The following PARVB variants were observed in gnomAD, a reference collection of about 807,000 sequenced individuals.
The protein encoded by PARVB is parvin beta, also known as beta-parvin.
Under a neutral mutation model 47.0 loss-of-function variants are expected in PARVB, and 46 were observed. The ratio of observed to expected loss-of-function variants is 0.98; its 90% confidence interval spans 0.77 to 1.25. PARVB has a LOEUF of 1.25. Ranked by LOEUF, PARVB falls within the 50% of genes most tolerant of loss-of-function variation. The probability of loss-of-function intolerance (pLI) is 0.00; values close to 1 mark genes in which losing one functional copy is unlikely to be tolerated. For synonymous variants in PARVB, 196 were observed against 196.3 expected (o/e 1.00, Z 0.01); for missense variants, 473 against 471.6 (o/e 1.00, Z -0.03).
intron 8 of PARVB, chr22:44,146,394 C>T (rs895864239): frequency 2.6e-5 from 4 of 152,220 alleles, no homozygotes; most frequent in African/African-American, 9.7e-5. Flanking sequence ...CACACATGCT[C>T]ACACACGCAA....
intron 2 of PARVB, among the ~76,000 whole-genome samples, chr22:44,002,612 T>G (rs1441317512): frequency 6.6e-6 from 1 of 152,124 alleles, no homozygotes; most frequent in Non-Finnish European, 1.5e-5. Context: ...GTAGGAGGGA[T>G]GTCTTTCCTG....
At chr22:44,083,553 A>G (rs562289652) in intron 1 of PARVB, among the ~76,000 whole-genome samples, 3 of 152,274 alleles carry the variant, frequency 2.0e-5, no homozygotes, top group Non-Finnish European at 4.4e-5. Flanking sequence ...GGATGTGCAG[A>G]GTGTGCTTTC....
intron 10 of PARVB, 42 bp from the exon 11 acceptor site, chr22:44,157,940 C>T: frequency 6.8e-7 from 1 of 1,460,866 alleles, no homozygotes; most frequent in Non-Finnish European, 9.6e-7. Context: ...CATTTGCCAA[C>T]TCCTTACCCT....
intron 5 of PARVB, among the ~76,000 whole-genome samples, chr22:44,131,843 A>G (rs1353791489): frequency 6.6e-6 from 1 of 152,206 alleles, no homozygotes; most frequent in Non-Finnish European, 1.5e-5. Context: ...TGGTCAGGCC[A>G]CAATTCTCCA....
intron 1 of PARVB, among the ~76,000 whole-genome samples, chr22:44,042,865 G>A (rs1569071426): frequency 6.6e-6 from 1 of 152,126 alleles, no homozygotes; most frequent in African/African-American, 2.4e-5. Flanking sequence ...ATCTGCTGGA[G>A]AAAAAAGAAT....
At chr22:43,999,344 C>G in exon 1 of PARVB, 1 of 1,605,650 alleles carries the variant, frequency 6.2e-7, no homozygotes, top group Non-Finnish European at 8.5e-7. Context: ...TGCACAAATG[C>G]ACCATGTGTT....
rs766368195 is a variant in PARVB, at chr22:44,131,474, C to A, written c.377-13C>A. ...CTTTTTCTGACCCTCTTCTCTTGTG[C>A]TTCTCATTGCAGAAAAACTGGCAGG... is the stretch of plus-strand genomic sequence containing the variant. On this transcript the variant is annotated splice_polypyrimidine_tract_variant and intron_variant, in intron 4 of 12. Coordinates refer to ENST00000338758, the MANE Select transcript of PARVB (RefSeq NM_013327.5). 2 of 1,612,916 alleles carry A rather than the reference C, an allele frequency of 1.2e-6. No homozygotes were observed. Among genetic ancestry groups the A allele is most frequent in the Admixed American group, 3.3e-5 (2 of 59,874 alleles).
intron 1 of PARVB, among the ~76,000 whole-genome samples, chr22:44,077,015 G>A (rs1169013245): frequency 2.0e-5 from 3 of 152,174 alleles, no homozygotes; most frequent in Non-Finnish European, 4.4e-5. Context: ...TCTTGAGTAT[G>A]GGTCCTGTGC....
At chr22:44,000,519 G>A (rs2050403116) in intron 2 of PARVB, among the ~76,000 whole-genome samples, 1 of 152,238 alleles carries the variant, frequency 6.6e-6, no homozygotes, top group Non-Finnish European at 1.5e-5. Context: ...GCTCACGCCT[G>A]TAAAATTTTG....
intron 2 of PARVB, among the ~76,000 whole-genome samples, chr22:44,005,059 C>T (rs2050450282): frequency 6.6e-6 from 1 of 152,120 alleles, no homozygotes. Flanking sequence ...GGGAAAAATA[C>T]AACAGCTCTT....
At position 44,122,544 on chromosome 22, in the gene PARVB, G is replaced by C. The variant is rs965265640; in HGVS notation, c.376+3404G>C. On this transcript the variant is annotated intron_variant, in intron 4 of 12. Coordinates refer to ENST00000338758, the MANE Select transcript of PARVB (RefSeq NM_013327.5). ...ACAGAGAGACAGAGAGAGAGAGAGAGAGAGAGAGACACAGAGACAGAGAGA... is the reference window on the plus strand; with the variant it reads ...ACAGAGAGACAGAGAGAGAGAGAGACAGAGAGAGACACAGAGACAGAGAGA... Among the ~76,000 whole-genome samples the C allele has an allele frequency of 8.7e-3, 840 of 96,734 alleles. 46 individuals are homozygous for C. The highest frequency in any genetic ancestry group is 0.011 in the African/African-American group (205 of 19,446). 63.5% of individuals were successfully genotyped at this position (96,734 alleles called of 152,430 possible). A position where few individuals can be genotyped will look rare whatever the true frequency, so the allele number is the denominator to read the frequency against.
intron 1 of PARVB, among the ~76,000 whole-genome samples, chr22:44,031,797 C>A (rs1294027003): frequency 1.3e-5 from 2 of 152,084 alleles, no homozygotes; most frequent in Non-Finnish European, 2.9e-5. Flanking sequence ...TTCATCCCTG[C>A]TGCGAGTATG....
At chr22:44,091,332 T>C (rs1473641078) in intron 1 of PARVB, among the ~76,000 whole-genome samples, 1 of 147,666 alleles carries the variant, frequency 6.8e-6, no homozygotes, top group African/African-American at 2.5e-5. Flanking sequence ...AGGCATAACG[T>C]AAACTTTACC....
intron 2 of PARVB, among the ~76,000 whole-genome samples, chr22:44,006,325 A>C (rs183935611): frequency 6.6e-6 from 1 of 152,240 alleles, no homozygotes; most frequent in African/African-American, 2.4e-5. Context: ...CTGACGATAC[A>C]TTAGAAATGC....
chr22:44,042,313 C>T (rs1183815857), intron 1 of PARVB, among the ~76,000 whole-genome samples: 2 of 152,090 alleles, frequency 1.3e-5, no homozygotes, highest in Non-Finnish European at 2.9e-5. Flanking sequence ...CCCAGCTGCT[C>T]AGGAGGCTGA....
At chr22:44,012,937 C>T (rs191379896) in intron 2 of PARVB, among the ~76,000 whole-genome samples, 133 of 151,998 alleles carry the variant, frequency 8.8e-4, no homozygotes, top group Non-Finnish European at 1.4e-3. Context: ...CGCTCTGTCA[C>T]CCAGGCTGGA....
chr22:44,009,736 CATT>C (rs1302656801), intron 2 of PARVB, among the ~76,000 whole-genome samples: 1 of 150,626 alleles, frequency 6.6e-6, no homozygotes, highest in African/African-American at 2.4e-5. Flanking sequence ...ATATAATAAA[CATT>C]ATATATGTAA....
intron 2 of PARVB, among the ~76,000 whole-genome samples, chr22:44,016,935 G>T (rs529923771): frequency 6.6e-6 from 1 of 152,222 alleles, no homozygotes; most frequent in South Asian, 2.1e-4. Flanking sequence ...GAGTACAATG[G>T]CATGATCTTA....
At chr22:44,154,975 GGT>G (rs1288212220) in intron 10 of PARVB, among the ~76,000 whole-genome samples, 3 of 134,696 alleles carry the variant, frequency 2.2e-5, no homozygotes, top group Non-Finnish European at 4.6e-5. Flanking sequence ...TAGTCTGTGT[GGT>G]GTGTGTGTGG....
Sources: allele counts gnomAD v4.1 joint callset (sites outside exome capture counted in the v4.1 genomes callset), GRCh38; gene constraint gnomAD v4.1.1; transcripts MANE v1.5; gene names NCBI Gene and HGNC (gene_info 2026-07-23, HGNC 2026-07-21).